ABCA4: variants seen among roughly 807,000 people sequenced by gnomAD.
The protein encoded by ABCA4 is retinal-specific phospholipid-transporting ATPase ABCA4.
A neutral mutation model predicts 263.7 loss-of-function variants in ABCA4; 196 were observed. The observed-to-expected ratio is 0.74, with a 90% confidence interval of 0.66 to 0.84. ABCA4 has a LOEUF of 0.84. ABCA4 is among the 40% of genes least tolerant of loss of function. The pLI, the probability that ABCA4 is intolerant of heterozygous loss-of-function variation, is 0.00. For missense variants in ABCA4, 2,792 were observed against 2,855.1 expected (o/e 0.98, Z 0.50); for synonymous variants, 1,133 against 1,094.2 (o/e 1.04, Z -0.70).
chr1:94,101,865 G>C (rs1662296090), intron 5 of ABCA4, among the ~76,000 whole-genome samples: 1 of 152,252 alleles, frequency 6.6e-6, no homozygotes. Flanking sequence ...GTGAAGCACA[G>C]ATTGCTAGGC....
chr1:94,040,011 C>A lies in ABCA4; in HGVS notation c.3607+32G>T, dbSNP rs281865390. ...GCAATACTGGGAGATGGCTGCCAGA[C>A]GGAACCCAAGTATGGCCCGTCCAGT... On this transcript the variant is annotated intron_variant, in intron 24 of 49. Transcript: ENST00000370225. The A allele has an allele frequency of 3.2e-6, 5 of 1,557,772 alleles. No homozygotes were observed. The African/African-American group carries it at 5.4e-5, about 17-fold the overall frequency.
chr1:93,997,518 C>T (rs1659039929), intron 48 of ABCA4, among the ~76,000 whole-genome samples: 1 of 151,714 alleles, frequency 6.6e-6, no homozygotes, highest in African/African-American at 2.4e-5. Flanking sequence ...GATCCTCCTG[C>T]CTTGGCCTCC....
At chr1:94,083,543 C>A (rs1022699699) in intron 6 of ABCA4, 102 bp from the exon 7 acceptor site, 2 of 801,172 alleles carry the variant, frequency 2.5e-6, no homozygotes, top group East Asian at 2.6e-5. Context: ...AACTCCCCCC[C>A]TCCTTCTTTC....
chr1:94,051,626 G>A lies in ABCA4; in HGVS notation c.2653+7C>T. 1 of 1,611,404 alleles carries A rather than the reference G, an allele frequency of 6.2e-7. No individual in the cohort carries two copies. The highest frequency in any genetic ancestry group is 1.3e-5 in the African/African-American group (1 of 75,012). Reference sequence around the variant, plus strand: ...AAACATTAAGATTTGTGTTTTAAAGGACTCACCTTCACCGCCAAGCCAATA... The same window carrying A: ...AAACATTAAGATTTGTGTTTTAAAGAACTCACCTTCACCGCCAAGCCAATA... On this transcript the variant is annotated splice_region_variant and intron_variant, in intron 17 of 49. Transcript: ENST00000370225.
intron 14 of ABCA4, among the ~76,000 whole-genome samples, chr1:94,057,988 C>T (rs1420399120): frequency 6.6e-6 from 1 of 152,210 alleles, no homozygotes; most frequent in Non-Finnish European, 1.5e-5. Context: ...GGCTTCCTCT[C>T]ATAGAAAAGA....
At chr1:94,108,768 G>T in intron 3 of ABCA4, 52 bp from the exon 4 acceptor site, 1 of 1,598,158 alleles carries the variant, frequency 6.3e-7, no homozygotes, top group Non-Finnish European at 8.6e-7. Flanking sequence ...TTTTATAACA[G>T]TAATAATATC....
chr1:94,079,390 T>C lies in ABCA4; in HGVS notation c.1171A>G (p.Lys391Glu), dbSNP rs1661626138. ...PLTKIAWRAA[K>E]PLLMGKILYT... The stretch of plus-strand genomic sequence containing the variant: ...AGGATTTTTCCCATCAGCAAAGGCT[T>C]TGCCGCCCTCCAAGCGATTTTGGTT... The change falls in exon 9 of 50, where the codon AAG (lysine) becomes GAG (glutamate). Residue 391 changes from lysine to glutamate, a missense_variant. Transcript: ENST00000370225. 2 of 1,614,056 alleles carry C rather than the reference T, an allele frequency of 1.2e-6. No homozygotes were observed. Among genetic ancestry groups the C allele is most frequent in the Admixed American group, 1.7e-5 (1 of 60,000 alleles).
intron 17 of ABCA4, 124 bp from the exon 18 acceptor site, chr1:94,049,081 A>T: frequency 1.2e-6 from 1 of 816,914 alleles, no homozygotes; most frequent in Non-Finnish European, 2.1e-6. Flanking sequence ...CTGCTCTAGG[A>T]CTGTGAGGTA....
chr1:93,996,334 G>T, intron 48 of ABCA4, 139 bp from the exon 49 acceptor site: 2 of 729,854 alleles, frequency 2.7e-6, no homozygotes, highest in Non-Finnish European at 4.8e-6. Flanking sequence ...CCCGGGGGAG[G>T]CTGGCCCACT....
chr1:94,081,040 T>C (rs925403392), intron 7 of ABCA4, among the ~76,000 whole-genome samples: 1 of 151,948 alleles, frequency 6.6e-6, no homozygotes. Flanking sequence ...CTGGCGAACA[T>C]GGTGAAACCC....
intron 1 of ABCA4, among the ~76,000 whole-genome samples, chr1:94,115,750 G>T (rs1008717520): frequency 6.6e-6 from 1 of 152,102 alleles, no homozygotes; most frequent in Admixed American, 6.5e-5. Context: ...CAGGGTTGTC[G>T]CAAGATCACA....
chr1:94,033,959 T>A (rs1660274579), intron 26 of ABCA4, among the ~76,000 whole-genome samples: 1 of 152,044 alleles, frequency 6.6e-6, no homozygotes, highest in African/African-American at 2.4e-5. Context: ...CTTTGATCTC[T>A]CCCTGAAGGC....
chr1:94,083,562 G>A, intron 6 of ABCA4, 121 bp from the exon 7 acceptor site: 5 of 712,528 alleles, frequency 7.0e-6, no homozygotes, highest in South Asian at 1.9e-5. Context: ...TCTGATCGCA[G>A]GATCTTTTCT....
intron 4 of ABCA4, among the ~76,000 whole-genome samples, chr1:94,104,543 G>T (rs562297220): frequency 6.6e-6 from 1 of 152,306 alleles, no homozygotes; most frequent in South Asian, 2.1e-4. Context: ...TTATGTTGCA[G>T]CTAGTTTCCT....
chr1:94,023,619 C>T (rs1486419479), intron 31 of ABCA4, among the ~76,000 whole-genome samples: 1 of 152,194 alleles, frequency 6.6e-6, no homozygotes. Flanking sequence ...CCTATGATTT[C>T]CCCCACTGGC....
intron 1 of ABCA4, among the ~76,000 whole-genome samples, chr1:94,113,620 T>C (rs1429240265): frequency 6.6e-6 from 1 of 152,236 alleles, no homozygotes; most frequent in African/African-American, 2.4e-5. Context: ...CCCTCCCCAT[T>C]ACCTTGCCCT....
At chr1:94,095,289 C>A (rs536800589) in intron 6 of ABCA4, among the ~76,000 whole-genome samples, 2 of 151,670 alleles carry the variant, frequency 1.3e-5, no homozygotes, top group Non-Finnish European at 2.9e-5. Context: ...CCCCAGCGCC[C>A]CCCTCCGATT....
At chr1:94,028,838 C>T (rs1310835608) in intron 30 of ABCA4, among the ~76,000 whole-genome samples, 2 of 125,864 alleles carry the variant, frequency 1.6e-5, no homozygotes, top group African/African-American at 6.2e-5. Context: ...ACCTGGGAGG[C>T]AGAGGTTGCA....
intron 36 of ABCA4, among the ~76,000 whole-genome samples, chr1:94,018,920 T>C (rs796851970): frequency 3.5e-4 from 52 of 150,234 alleles, no homozygotes; most frequent in African/African-American, 1.3e-3. Context: ...ATCTAATAAG[T>C]GAAGGTCTTA....
Sources: allele counts gnomAD v4.1 joint callset (sites outside exome capture counted in the v4.1 genomes callset), GRCh38; gene constraint gnomAD v4.1.1; transcripts MANE v1.5; gene names NCBI Gene and HGNC (gene_info 2026-07-23, HGNC 2026-07-21).